KIF26B: variants seen among roughly 807,000 people sequenced by gnomAD.
KIF26B encodes the protein kinesin family member 26B.
In KIF26B, 63 loss-of-function variants were observed where a neutral mutation model predicts 151.2. The ratio of observed to expected loss-of-function variants is 0.42; its 90% CI spans 0.34 to 0.51. KIF26B has a LOEUF of 0.51. KIF26B is among the 20% of genes least tolerant of loss of function. The pLI is 0.07. For missense variants in KIF26B, 2,813 were observed against 2,913.6 expected (o/e 0.97, Z 0.79); for synonymous variants, 1,357 against 1,262.1 (o/e 1.08, Z -1.59).
intron 10 of KIF26B, among the ~76,000 whole-genome samples, chr1:245,657,963 T>C (rs1295947335): frequency 6.6e-6 from 1 of 152,316 alleles, no homozygotes; most frequent in Non-Finnish European, 1.5e-5. Context: ...TGCCCTTGTG[T>C]GATCGTCTGC....
intron 4 of KIF26B, among the ~76,000 whole-genome samples, chr1:245,514,464 A>G (rs1158782951): frequency 1.3e-5 from 2 of 152,064 alleles, no homozygotes; most frequent in Non-Finnish European, 2.9e-5. Flanking sequence ...AGAAGGAAGA[A>G]GTTGCAGTGA....
intron 2 of KIF26B, among the ~76,000 whole-genome samples, chr1:245,174,435 G>A (rs909972597): frequency 3.3e-5 from 5 of 152,020 alleles, no homozygotes; most frequent in Non-Finnish European, 5.9e-5. Flanking sequence ...GAAAAAAAAA[G>A]AGAGAGAAGG....
intron 2 of KIF26B, among the ~76,000 whole-genome samples, chr1:245,157,059 T>G (rs1281937893): frequency 1.3e-5 from 2 of 151,980 alleles, no homozygotes; most frequent in Non-Finnish European, 2.9e-5. Flanking sequence ...TACAAAAATG[T>G]CAGCGGGAGC....
chr1:245,291,465 C>T (rs1169930274), intron 2 of KIF26B, among the ~76,000 whole-genome samples: 1 of 152,184 alleles, frequency 6.6e-6, no homozygotes, highest in Admixed American at 6.5e-5. Flanking sequence ...CTCCTATTCC[C>T]TGATCCCTCC....
intron 4 of KIF26B, among the ~76,000 whole-genome samples, chr1:245,524,369 T>G (rs1352945808): frequency 6.6e-6 from 1 of 152,186 alleles, no homozygotes; most frequent in East Asian, 1.9e-4. Flanking sequence ...CCTATTTGAC[T>G]CCAAAGCCTG....
rs1342288011 is a variant in KIF26B, at chr1:245,167,241, T to C, written c.465+10558T>C. 6.6e-6 allele frequency among the ~76,000 whole-genome samples: 1 copy of C among 152,198 alleles called. No homozygotes were observed. The highest frequency in any genetic ancestry group is 1.9e-4 in the East Asian group (1 of 5,196). On this transcript the variant is annotated intron_variant, in intron 2 of 14. Transcript: ENST00000407071. This position sits in a 1 kb window ranked among gnomAD's most constrained non-coding sequence, Gnocchi z 4.2. ...CAAATAATAAATTAAAATCCGCTTT[T>C]CTATCACAGGGGTGACAAATAGAAA...
chr1:245,619,008 GTTCCTT>G (rs2043626729), intron 9 of KIF26B, among the ~76,000 whole-genome samples: 1 of 144,872 alleles, frequency 6.9e-6, no homozygotes, highest in African/African-American at 2.7e-5. Context: ...TAGACTATAG[GTTCCTT>G]GAGACAGAGT....
chr1:245,559,431 G>A (rs552709938), intron 5 of KIF26B, among the ~76,000 whole-genome samples: 4 of 151,710 alleles, frequency 2.6e-5, no homozygotes, highest in African/African-American at 7.3e-5. Context: ...GGTTTTTGTC[G>A]AGACGGAGTC....
intron 5 of KIF26B, among the ~76,000 whole-genome samples, chr1:245,574,847 C>CTTTTTCTTTTT (rs1450843451): frequency 6.8e-6 from 1 of 147,270 alleles, no homozygotes; most frequent in Admixed American, 6.7e-5. Context: ...TTTTTTATAT[C>CTTTTTCTTTTT]TTTTTCTTTT....
At chr1:245,173,013 C>T (rs1172808251) in intron 2 of KIF26B, among the ~76,000 whole-genome samples, 3 of 152,160 alleles carry the variant, frequency 2.0e-5, no homozygotes, top group African/African-American at 7.2e-5. Context: ...TGTCTGCTGA[C>T]ACATGAATGA....
chr1:245,646,197 A>G lies in KIF26B; in HGVS notation c.2175A>G (p.Gly725=). 6.2e-7 allele frequency: 1 copy of G among 1,613,934 alleles called. No individual in the cohort carries two copies. The highest frequency in any genetic ancestry group is 8.5e-7 in the Non-Finnish European group (1 of 1,179,884). ...CVKALSKNRE[G]GSGLCLSLSA... is the part of the protein sequence containing the mutation. ...AAGCTCTTAGCAAAAATCGAGAAGGAGGCTCAGGGCTGTGTCTCTCGCTGT... is the reference window on the plus strand; with the variant it reads ...AAGCTCTTAGCAAAAATCGAGAAGGGGGCTCAGGGCTGTGTCTCTCGCTGT... Residue 725 remains glycine, a synonymous_variant, in exon 10 of 15, where the codon GGA becomes GGG. Transcript: ENST00000407071.
intron 4 of KIF26B, among the ~76,000 whole-genome samples, chr1:245,442,032 A>T (rs1192774450): frequency 4.6e-5 from 7 of 152,228 alleles, no homozygotes; most frequent in Admixed American, 4.6e-4. Flanking sequence ...ACTGAGATTT[A>T]GTGGGTAGCC....
chr1:245,415,226 A>G (rs1043209553), intron 3 of KIF26B, among the ~76,000 whole-genome samples: 7 of 152,212 alleles, frequency 4.6e-5, no homozygotes, highest in African/African-American at 1.7e-4. Context: ...TGCTTGACAT[A>G]AAAACAACTC....
intron 4 of KIF26B, among the ~76,000 whole-genome samples, chr1:245,501,156 A>G (rs1321479030): frequency 6.6e-6 from 1 of 152,188 alleles, no homozygotes; most frequent in Non-Finnish European, 1.5e-5. Flanking sequence ...ACTCGAGGCA[A>G]TCTGGTGTGA....
At chr1:245,156,730 C>T (rs1438398557) in intron 2 of KIF26B, 47 bp downstream of exon 2, 2 of 1,274,134 alleles carry the variant, frequency 1.6e-6, no homozygotes, top group East Asian at 3.1e-5. Context: ...GAGGGCGGGG[C>T]CGGGCCGCCA....
intron 9 of KIF26B, among the ~76,000 whole-genome samples, chr1:245,615,812 C>T (rs561018620): frequency 3.3e-5 from 5 of 152,328 alleles, no homozygotes; most frequent in Admixed American, 6.5e-5. Context: ...AGAATGCACA[C>T]GGCCTCCCCG....
chr1:245,455,928 A>G (rs973952090), intron 4 of KIF26B, among the ~76,000 whole-genome samples: 1 of 152,158 alleles, frequency 6.6e-6, no homozygotes, highest in African/African-American at 2.4e-5. Context: ...TCTAGATCTA[A>G]ATTTCTGTAA....
intron 10 of KIF26B, among the ~76,000 whole-genome samples, chr1:245,654,135 G>A (rs374439336): frequency 2.0e-5 from 3 of 152,144 alleles, no homozygotes; most frequent in Non-Finnish European, 4.4e-5. Flanking sequence ...CATTCAGGTC[G>A]GTCTCCTGGT....
At chr1:245,169,167 C>T (rs777019219) in intron 2 of KIF26B, among the ~76,000 whole-genome samples, 15 of 152,286 alleles carry the variant, frequency 9.8e-5, no homozygotes, top group East Asian at 1.9e-4. Flanking sequence ...CTGCACGTAT[C>T]TTACCAGGGC....
Sources: gnomAD v4.1 joint callset for allele counts (sites outside exome capture counted in the v4.1 genomes callset) on GRCh38, gnomAD v4.1.1 for gene constraint, Gnocchi (gnomAD v3.1) non-coding constraint, MANE v1.5 for transcripts, NCBI Gene and HGNC (gene_info 2026-07-23, HGNC 2026-07-21) for gene names.